The following ANKRD30A variants were observed in gnomAD, a reference collection of about 807,000 sequenced individuals.
ANKRD30A encodes ankyrin repeat domain 30A, also known as ankyrin repeat domain-containing protein 30A.
ANKRD30A carries 170 observed loss-of-function variants against 166.3 expected under a neutral mutation model. The observed-to-expected ratio is 1.02, with a 90% CI of 0.90 to 1.16. The LOEUF (loss-of-function observed/expected upper bound fraction) is 1.16. Among genes scored for constraint, ANKRD30A ranks in the 50% most tolerant of loss-of-function variants. ANKRD30A has a pLI of 0.00. For missense variants in ANKRD30A, 1,630 were observed against 1,518.0 expected (o/e 1.07, Z -1.23); for synonymous variants, 564 against 508.9 (o/e 1.11, Z -1.46).
chr10:37,263,026 AATT>A, the ANKRD30A span, among the ~76,000 whole-genome samples: 5 of 152,046 alleles, frequency 3.3e-5, no homozygotes, highest in East Asian at 9.6e-4. Context: ...AATTCAACAA[AATT>A]ATTGTTTATG....
chr10:37,236,176 G>A (rs904184719), downstream of ANKRD30A, among the ~76,000 whole-genome samples: 4 of 152,142 alleles, frequency 2.6e-5, no homozygotes, highest in Non-Finnish European at 2.9e-5. Flanking sequence ...GTATTATGTA[G>A]CCATCTTGGT....
At position 37,132,220 on chromosome 10, in the gene ANKRD30A, A is replaced by G. The variant is rs1836419773; in HGVS notation, c.511-20A>G. 1.1e-5 allele frequency: 17 copies of G among 1,496,058 alleles called. No individual in the cohort carries two copies. The highest frequency in any genetic ancestry group is 2.8e-5 in the African/African-American group (2 of 71,300). The allele number at this position is 1,496,058 out of a possible 1,614,324, so 92.7% of individuals were successfully genotyped here. Reference sequence around the variant, plus strand: ...AAATATGTAATTTCATGAATTATAAATTGTTTTGCTATTTTACAGGCTAGC... The same window carrying G: ...AAATATGTAATTTCATGAATTATAAGTTGTTTTGCTATTTTACAGGCTAGC... On this transcript the variant is annotated intron_variant, in intron 3 of 35. Transcript: ENST00000361713.
At chr10:37,220,019 ATATATAT>A (rs1842824778) in intron 34 of ANKRD30A, 122 bp downstream of exon 34, 4 of 127,366 alleles carry the variant, frequency 3.1e-5, no homozygotes, top group African/African-American at 1.4e-4. Context: ...ATATATATAT[ATATATAT>A]ATAATATATG....
At chr10:37,256,435 G>A in the ANKRD30A span, among the ~76,000 whole-genome samples, 17 of 152,090 alleles carry the variant, frequency 1.1e-4, no homozygotes, top group African/African-American at 2.6e-4. Flanking sequence ...ATATTTCTTC[G>A]TAGCACTTAT....
At chr10:37,138,017 C>T (rs1382121124) in intron 6 of ANKRD30A, among the ~76,000 whole-genome samples, 1 of 152,150 alleles carries the variant, frequency 6.6e-6, no homozygotes, top group African/African-American at 2.4e-5. Flanking sequence ...CCGGGTACTC[C>T]TCTGAGACAA....
chr10:37,151,986 A>G (rs907778818), intron 11 of ANKRD30A, 74 bp from the exon 12 acceptor site: 1 of 1,330,246 alleles, frequency 7.5e-7, no homozygotes, highest in Non-Finnish European at 1.0e-6. Context: ...GAATGAAAGT[A>G]GATTTGTATA....
chr10:37,231,593 C>A lies in ANKRD30A; in HGVS notation c.*124C>A. 1.5e-6 allele frequency: 1 copy of A among 659,592 alleles called. No individual in the cohort carries two copies. The highest frequency in any genetic ancestry group is 1.9e-5 in the African/African-American group (1 of 53,012). The allele number at this position is 659,592 out of a possible 1,614,324, so 40.9% of individuals were successfully genotyped here. A position where few individuals can be genotyped will look rare whatever the true frequency, so the allele number is the denominator to read the frequency against. On this transcript the variant is annotated 3_prime_UTR_variant, in exon 35 of 36. Transcript: ENST00000361713. ...AAATCTTACCAATAGTCTGTGTCAA[C>A]AGAATACTTATTTTAGAAGAAAAAT...
chr10:37,233,551 G>A (rs11011075), downstream of ANKRD30A, among the ~76,000 whole-genome samples: 5,784 of 152,036 alleles, frequency 0.038, 183 homozygotes, highest in Non-Finnish European at 0.058. Context: ...TAGTATTTCC[G>A]GATATGTTGA....
At chr10:37,158,207 C>T (rs1223449577) in intron 13 of ANKRD30A, among the ~76,000 whole-genome samples, 185 bp from the exon 14 acceptor site, 1 of 151,996 alleles carries the variant, frequency 6.6e-6, no homozygotes, top group Non-Finnish European at 1.5e-5. Flanking sequence ...TTCAAATTTT[C>T]TTAGGTATAT....
At chr10:37,250,137 A>G in the ANKRD30A span, among the ~76,000 whole-genome samples, 1 of 152,158 alleles carries the variant, frequency 6.6e-6, no homozygotes, top group South Asian at 2.1e-4. Context: ...AGCTTGCCTA[A>G]GGTCAGAGTT....
chr10:37,134,076 T>C, intron 5 of ANKRD30A, 23 bp downstream of exon 5: 1 of 1,610,836 alleles, frequency 6.2e-7, no homozygotes, highest in Non-Finnish European at 8.5e-7. Context: ...GTTTAGAGGC[T>C]AGGTGAGATT....
At chr10:37,228,312 A>G (rs916710337) in intron 34 of ANKRD30A, among the ~76,000 whole-genome samples, 1 of 152,028 alleles carries the variant, frequency 6.6e-6, no homozygotes, top group African/African-American at 2.4e-5. Flanking sequence ...ACTTCTTCAT[A>G]TAGACAAACT....
At chr10:37,194,315 C>CT (rs892584072) in intron 27 of ANKRD30A, among the ~76,000 whole-genome samples, 2 of 151,680 alleles carry the variant, frequency 1.3e-5, no homozygotes, top group Admixed American at 6.6e-5. Context: ...AATTTTCTTC[C>CT]TTTTTTTTGT....
intron 9 of ANKRD30A, among the ~76,000 whole-genome samples, chr10:37,148,515 G>A (rs1244279399): frequency 5.9e-5 from 9 of 151,796 alleles, no homozygotes; most frequent in Non-Finnish European, 7.4e-5. Flanking sequence ...GGCAGGTAAC[G>A]GGACAAACAA....
rs145814574 is a variant in ANKRD30A at position 37,137,584 on chromosome 10, G to A, written c.820+913G>A. 9.3e-3 allele frequency among the ~76,000 whole-genome samples: 1,412 copies of A among 152,288 alleles called. 71 individuals carry two copies. The highest frequency in any genetic ancestry group is 0.072 in the Admixed American group (1,101 of 15,304). Reference sequence around the variant, plus strand: ...GGCACACCAGGAGATTATATCCCGAGCATGGCTCAGAGGGTCCTACCCCCA... The same window carrying A: ...GGCACACCAGGAGATTATATCCCGAACATGGCTCAGAGGGTCCTACCCCCA... On this transcript the variant is annotated intron_variant, in intron 6 of 35. Coordinates refer to ENST00000361713, the MANE Select transcript of ANKRD30A (RefSeq NM_052997.3).
At chr10:37,159,685 T>C (rs1298982184) in intron 15 of ANKRD30A, among the ~76,000 whole-genome samples, 1 of 152,100 alleles carries the variant, frequency 6.6e-6, no homozygotes, top group Non-Finnish European at 1.5e-5. Flanking sequence ...TTTGTTTGTA[T>C]TTTTTTCTTC....
At chr10:37,135,628 CAT>C (rs1274488596) in intron 5 of ANKRD30A, among the ~76,000 whole-genome samples, 1 of 152,064 alleles carries the variant, frequency 6.6e-6, no homozygotes, top group African/African-American at 2.4e-5. Context: ...TGGAAATGAT[CAT>C]AGTTACTAAG....
At chr10:37,247,919 C>T in the ANKRD30A span, among the ~76,000 whole-genome samples, 1 of 149,774 alleles carries the variant, frequency 6.7e-6, no homozygotes, top group African/African-American at 2.5e-5. Flanking sequence ...CTAATGAATA[C>T]TTAGGCTTAA....
At chr10:37,128,613 ACTT>A (rs1039557048) in intron 1 of ANKRD30A, among the ~76,000 whole-genome samples, 2 of 152,094 alleles carry the variant, frequency 1.3e-5, no homozygotes, top group Non-Finnish European at 2.9e-5. Context: ...AAGATATTGA[ACTT>A]CTCAACTGTA....
Sources: gnomAD v4.1 joint callset for allele counts (sites outside exome capture counted in the v4.1 genomes callset) on GRCh38, gnomAD v4.1.1 for gene constraint, MANE v1.5 for transcripts, NCBI Gene and HGNC (gene_info 2026-07-23, HGNC 2026-07-21) for gene names.